MALRD1: variants seen among roughly 807,000 people sequenced by gnomAD.
MALRD1 encodes the protein MAM and LDL-receptor class A domain-containing protein 1.
MALRD1 carries 247 observed loss-of-function variants against 242.1 expected under a neutral mutation model. That is an observed-to-expected ratio of 1.02 (90% confidence interval 0.92 to 1.13). MALRD1 has a LOEUF of 1.13. Ranked by LOEUF, MALRD1 falls within the 50% of genes most tolerant of loss-of-function variation. The pLI is 0.00. For synonymous variants in MALRD1, 995 were observed against 866.6 expected (o/e 1.15, Z -2.60); for missense variants, 2,989 against 2,533.1 (o/e 1.18, Z -3.86).
chr10:19,713,469 C>A (rs1004565094), intron 38 of MALRD1, among the ~76,000 whole-genome samples: 4 of 152,196 alleles, frequency 2.6e-5, no homozygotes, highest in African/African-American at 9.6e-5. Flanking sequence ...GGAAGTTAAT[C>A]TTCAAGAGAC....
At chr10:19,215,870 C>G (rs2245756) in intron 18 of MALRD1, among the ~76,000 whole-genome samples, 94,970 of 104,312 alleles carry the variant, frequency 0.91, 44,322 homozygotes, top group East Asian at 1. Context: ...ATTAGTATGA[C>G]TTTATTTTGC....
chr10:19,085,348 A>T lies in MALRD1; in HGVS notation c.341-2492A>T, dbSNP rs758775388. Among the ~76,000 whole-genome samples, 50 of 152,110 alleles carry T rather than the reference A, an allele frequency of 3.3e-4. 1 individual carries two copies. The highest frequency in any genetic ancestry group is 5.9e-4 in the Non-Finnish European group (40 of 67,942). Reference sequence around the variant, plus strand: ...TAGGGAACATCTCCATCTGTGAATTAAAGAAATTCTATACTCATACTAAAG... The same window carrying T: ...TAGGGAACATCTCCATCTGTGAATTTAAGAAATTCTATACTCATACTAAAG... On this transcript the variant is annotated intron_variant, in intron 2 of 39. Coordinates refer to ENST00000454679, the MANE Select transcript of MALRD1 (RefSeq NM_001142308.3).
chr10:19,159,186 T>C (rs1215437132), intron 12 of MALRD1, among the ~76,000 whole-genome samples: 1 of 152,126 alleles, frequency 6.6e-6, no homozygotes. Flanking sequence ...CATAACTGAC[T>C]AGGAGCCATA....
In MALRD1 at chr10:19,128,621, G is replaced by C. The variant is rs560201744; in HGVS notation, c.1110+234G>C. ...TTTCATAAAGTTTTCAAAATTCATGGAAGTATATTAAAGAAACTATAGATC... is the reference window on the plus strand; with the variant it reads ...TTTCATAAAGTTTTCAAAATTCATGCAAGTATATTAAAGAAACTATAGATC... On this transcript the variant is annotated intron_variant, in intron 8 of 39. Coordinates refer to ENST00000454679, the MANE Select transcript of MALRD1 (RefSeq NM_001142308.3). Among the ~76,000 whole-genome samples, 23 of 152,230 alleles carry C rather than the reference G, an allele frequency of 1.5e-4. 1 individual carries two copies. In the South Asian group the frequency reaches 3.1e-3, roughly 21 times the overall value.
At chr10:19,572,785 G>T (rs1836626566) in intron 33 of MALRD1, among the ~76,000 whole-genome samples, 1 of 152,114 alleles carries the variant, frequency 6.6e-6, no homozygotes, top group Admixed American at 6.5e-5. Flanking sequence ...AATGAAGGGG[G>T]CAGAGATTGG....
Position 19,425,444 on chromosome 10 carries a change from G to A in MALRD1, c.4846-24863G>A, listed in dbSNP as rs1187636301. On this transcript the variant is annotated intron_variant, in intron 28 of 39. Transcript: ENST00000454679. ...TGTAAGTGTGTGTGGAAGTATATACGTGTGTGTGTGTATGTATACATGGAT... is the reference window on the plus strand; with the variant it reads ...TGTAAGTGTGTGTGGAAGTATATACATGTGTGTGTGTATGTATACATGGAT... Among the ~76,000 whole-genome samples, 3 of 152,088 alleles carry A rather than the reference G, an allele frequency of 2.0e-5. No homozygotes were observed. The East Asian group carries it at 5.8e-4, about 29-fold the overall frequency.
chr10:19,264,524 G>A (rs1259912038), intron 19 of MALRD1, among the ~76,000 whole-genome samples: 2 of 146,516 alleles, frequency 1.4e-5, no homozygotes, highest in African/African-American at 2.5e-5. Context: ...CATGATCCCT[G>A]CTCACTGCAA....
chr10:19,072,022 A>T (rs1835164378), intron 2 of MALRD1, among the ~76,000 whole-genome samples: 1 of 152,192 alleles, frequency 6.6e-6, no homozygotes, highest in Non-Finnish European at 1.5e-5. Flanking sequence ...TGATAGAGAC[A>T]TCAACCGTAT....
At position 19,519,029 on chromosome 10, in the gene MALRD1, A is replaced by G. The variant is rs996171595; in HGVS notation, c.5321-12165A>G. ...TATGAATGTATCTCGGGTTATTTTA[A>G]AAGCTTTCTCTCTTTTTCTGTCTTT... On this transcript the variant is annotated intron_variant, in intron 31 of 39. Coordinates refer to ENST00000454679, the MANE Select transcript of MALRD1 (RefSeq NM_001142308.3). Among the ~76,000 whole-genome samples, 6 of 152,058 alleles carry G rather than the reference A, an allele frequency of 3.9e-5. 1 individual carries two copies. The highest frequency in any genetic ancestry group is 1.3e-4 in the Admixed American group (2 of 15,278).
intron 25 of MALRD1, among the ~76,000 whole-genome samples, chr10:19,348,835 A>G (rs1577305): frequency 0.017 from 2,637 of 152,292 alleles, 76 homozygotes; most frequent in African/African-American, 0.06. Context: ...CAAGAGATGG[A>G]TACAGAAATA....
chr10:19,193,495 C>T (rs879556450), intron 14 of MALRD1, among the ~76,000 whole-genome samples: 2 of 152,112 alleles, frequency 1.3e-5, no homozygotes, highest in African/African-American at 2.4e-5. Flanking sequence ...GTTGAGGCTG[C>T]ATTGAGCCGT....
At chr10:19,665,597 C>G (rs928119364) in intron 36 of MALRD1, among the ~76,000 whole-genome samples, 2 of 152,092 alleles carry the variant, frequency 1.3e-5, no homozygotes, top group African/African-American at 2.4e-5. Flanking sequence ...TCACCTTCCT[C>G]CCCCAAGACA....
intron 38 of MALRD1, among the ~76,000 whole-genome samples, chr10:19,707,688 C>T (rs1833928854): frequency 6.9e-6 from 1 of 144,070 alleles, no homozygotes; most frequent in South Asian, 2.3e-4. Flanking sequence ...GTGGCTCATG[C>T]CTGTAATCCC....
chr10:19,281,987 T>A (rs78660872), intron 20 of MALRD1, among the ~76,000 whole-genome samples: 184 of 123,880 alleles, frequency 1.5e-3, no homozygotes, highest in African/African-American at 4.2e-3. Flanking sequence ...AAAAAAAAAA[T>A]GAACACATAA....
chr10:19,622,864 A>T (rs963441144), intron 36 of MALRD1, among the ~76,000 whole-genome samples: 3 of 152,024 alleles, frequency 2.0e-5, no homozygotes, highest in African/African-American at 7.2e-5. Flanking sequence ...AGTACATATG[A>T]AAATTTAGTA....
chr10:19,556,693 G>A (rs1835733337), intron 32 of MALRD1, among the ~76,000 whole-genome samples: 2 of 151,976 alleles, frequency 1.3e-5, no homozygotes, highest in African/African-American at 4.8e-5. Flanking sequence ...CCAAGTTTTG[G>A]CAATTATAAA....
chr10:19,071,774 C>T (rs1835155636), intron 2 of MALRD1, among the ~76,000 whole-genome samples: 1 of 152,078 alleles, frequency 6.6e-6, no homozygotes, highest in African/African-American at 2.4e-5. Flanking sequence ...CTGTGAAAGA[C>T]CAAACATGGA....
chr10:19,457,517 G>T (rs1364659042), intron 29 of MALRD1, among the ~76,000 whole-genome samples: 1 of 151,974 alleles, frequency 6.6e-6, no homozygotes, highest in Non-Finnish European at 1.5e-5. Flanking sequence ...TGATGATCTG[G>T]CAAAGCCCGC....
intron 36 of MALRD1, among the ~76,000 whole-genome samples, chr10:19,643,703 C>A (rs1159742556): frequency 6.6e-6 from 1 of 152,168 alleles, no homozygotes; most frequent in Admixed American, 6.5e-5. Flanking sequence ...TATACAGTAT[C>A]AAGTCCAGAA....
Sources: gnomAD v4.1 joint callset for allele counts (sites outside exome capture counted in the v4.1 genomes callset) on GRCh38, gnomAD v4.1.1 for gene constraint, MANE v1.5 for transcripts, NCBI Gene and HGNC (gene_info 2026-07-23, HGNC 2026-07-21) for gene names.